Variants in CLYBL observed in about 807,000 individuals in gnomAD.
CLYBL encodes the protein citramalyl-CoA lyase, mitochondrial.
In CLYBL, 31 loss-of-function variants were observed where a neutral mutation model predicts 38.9. The observed-to-expected ratio is 0.80, with a 90% confidence interval of 0.60 to 1.08. The LOEUF (loss-of-function observed/expected upper bound fraction) is 1.08, where lower values mean the gene tolerates loss of function less well. Among genes scored for constraint, CLYBL ranks in the 50% least tolerant of loss-of-function variants. CLYBL has a pLI of 0.00. For missense variants in CLYBL, 434 were observed against 411.6 expected (o/e 1.05, Z -0.47); for synonymous variants, 171 against 158.6 (o/e 1.08, Z -0.59).
intron 1 of CLYBL, among the ~76,000 whole-genome samples, chr13:99,721,254 A>G (rs1444619140): frequency 2.6e-5 from 4 of 151,702 alleles, no homozygotes; most frequent in African/African-American, 9.7e-5. Flanking sequence ...CATGTTGGCT[A>G]GGCTGATCTC....
At chr13:99,613,220 G>A (rs1349150616) in intron 1 of CLYBL, among the ~76,000 whole-genome samples, 1 of 152,102 alleles carries the variant, frequency 6.6e-6, no homozygotes, top group Non-Finnish European at 1.5e-5. Context: ...CTCCCTGGCT[G>A]TATGTGTTCA....
At chr13:99,669,298 G>A (rs749212769) in intron 1 of CLYBL, among the ~76,000 whole-genome samples, 1 of 152,110 alleles carries the variant, frequency 6.6e-6, no homozygotes, top group Non-Finnish European at 1.5e-5. Flanking sequence ...TGCCGCGCCC[G>A]GCCAGGTCCT....
intron 1 of CLYBL, among the ~76,000 whole-genome samples, chr13:99,755,462 C>CGAG (rs2049045728): frequency 6.6e-6 from 1 of 152,106 alleles, no homozygotes; most frequent in African/African-American, 2.4e-5. Context: ...GCAGACAGGG[C>CGAG]AGCTCCTGCC....
intron 1 of CLYBL, among the ~76,000 whole-genome samples, chr13:99,625,924 G>C (rs368811738): frequency 6.6e-6 from 1 of 152,202 alleles, no homozygotes; most frequent in African/African-American, 2.4e-5. Flanking sequence ...CGCATCTCAC[G>C]TGAGATACGG....
intron 1 of CLYBL, among the ~76,000 whole-genome samples, chr13:99,740,346 T>C (rs1273526030): frequency 1.3e-5 from 2 of 152,234 alleles, no homozygotes; most frequent in Non-Finnish European, 2.9e-5. Flanking sequence ...TGACAAATGC[T>C]GTCCTGTACC....
chr13:99,692,039 G>A (rs1284027483), intron 1 of CLYBL, among the ~76,000 whole-genome samples: 1 of 152,164 alleles, frequency 6.6e-6, no homozygotes, highest in Non-Finnish European at 1.5e-5. Flanking sequence ...ATCCTTCATA[G>A]CCAGGATGGA....
intron 2 of CLYBL, among the ~76,000 whole-genome samples, chr13:99,813,261 A>C (rs528552039): frequency 4.0e-4 from 61 of 152,330 alleles, no homozygotes; most frequent in Non-Finnish European, 4.0e-4. Context: ...AGTGGAATGC[A>C]AACATGAGTA....
At chr13:99,892,990 C>T (rs2052522566), downstream of CLYBL, 1 of 152,330 alleles carries the variant, frequency 6.6e-6, no homozygotes, top group South Asian at 2.1e-4. Flanking sequence ...CAAGATGGCT[C>T]TGGGGATCCT....
At chr13:99,872,271 A>G (rs1424547827) in intron 7 of CLYBL, among the ~76,000 whole-genome samples, 2 of 152,192 alleles carry the variant, frequency 1.3e-5, no homozygotes, top group African/African-American at 4.8e-5. Context: ...GGAAATACCC[A>G]ATTTGGACTT....
At position 99,618,226 on chromosome 13, in the gene CLYBL, AT is replaced by A. The variant is rs200257421; in HGVS notation, c.62+11477del. On this transcript the variant is annotated intron_variant, in intron 1 of 8. Coordinates refer to ENST00000339105, the MANE Select transcript of CLYBL (RefSeq NM_206808.5). ...TTGAGTGTTTCTAAAGATTTAGTGG[AT>A]TTTTTTTCTTTATTTTGGTAAATTA... is the stretch of plus-strand genomic sequence containing the variant. 4.5e-3 allele frequency among the ~76,000 whole-genome samples: 680 copies of A among 151,832 alleles called. 4 individuals carry two copies. The highest frequency in any genetic ancestry group is 0.016 in the African/African-American group (642 of 41,382).
At chr13:99,816,040 G>A (rs887466713) in intron 2 of CLYBL, among the ~76,000 whole-genome samples, 2 of 151,986 alleles carry the variant, frequency 1.3e-5, no homozygotes, top group Non-Finnish European at 1.5e-5. Context: ...AATTATATTC[G>A]CAATGACTAA....
chr13:99,833,584 C>T (rs1285247745), intron 2 of CLYBL, among the ~76,000 whole-genome samples: 1 of 151,498 alleles, frequency 6.6e-6, no homozygotes, highest in Non-Finnish European at 1.5e-5. Context: ...CCTCCCCCAA[C>T]ACATACTCAA....
At chr13:99,727,168 A>AC (rs1192463540) in intron 1 of CLYBL, 2 of 152,022 alleles carry the variant, frequency 1.3e-5, no homozygotes, top group East Asian at 3.9e-4. Flanking sequence ...CAAAAAAAAA[A>AC]AAAAACTTTG....
At chr13:99,619,427 A>C (rs2046761814) in intron 1 of CLYBL, among the ~76,000 whole-genome samples, 1 of 152,244 alleles carries the variant, frequency 6.6e-6, no homozygotes, top group African/African-American at 2.4e-5. Flanking sequence ...AAATTAGCCC[A>C]GTGTGTAATA....
At position 99,663,038 on chromosome 13, in the gene CLYBL, G is replaced by A. The variant is rs774517331; in HGVS notation, c.62+56281G>A. Among the ~76,000 whole-genome samples the A allele has an allele frequency of 1.3e-4, 20 of 152,266 alleles. No homozygotes were observed. The Middle Eastern group carries it at 0.01, about 78-fold the overall frequency. ...AAATTACTCAAATGTAGCCAAATAC[G>A]GGGAATGAGATGCAGTTAATGAATT... On this transcript the variant is annotated intron_variant, in intron 1 of 8. Coordinates refer to ENST00000339105, the MANE Select transcript of CLYBL (RefSeq NM_206808.5).
At position 99,692,755 on chromosome 13, in the gene CLYBL, A is replaced by C. The variant is rs532336393; in HGVS notation, c.63-80069A>C. Among the ~76,000 whole-genome samples, 33 of 152,220 alleles carry C rather than the reference A, an allele frequency of 2.2e-4. 1 individual carries two copies. The South Asian group carries it at 5.2e-3, about 24-fold the overall frequency. On this transcript the variant is annotated intron_variant, in intron 1 of 8. Transcript: ENST00000339105. ...TATGCACCCCTCTTCCTTTCTCCTG[A>C]CAACCACTAATCTACTTTCTAAATC...
At chr13:99,751,886 G>A (rs1352970431) in intron 1 of CLYBL, among the ~76,000 whole-genome samples, 1 of 152,186 alleles carries the variant, frequency 6.6e-6, no homozygotes, top group African/African-American at 2.4e-5. Flanking sequence ...TAAAATGATA[G>A]CCTATAGATC....
At chr13:99,717,556 C>T (rs1480581263) in intron 1 of CLYBL, among the ~76,000 whole-genome samples, 1 of 151,776 alleles carries the variant, frequency 6.6e-6, no homozygotes, top group South Asian at 2.1e-4. Context: ...GCCTCCCAGG[C>T]TCCCCGGATC....
chr13:99,874,004 G>T (rs2051974653), intron 7 of CLYBL, among the ~76,000 whole-genome samples: 1 of 152,182 alleles, frequency 6.6e-6, no homozygotes, highest in Non-Finnish European at 1.5e-5. Context: ...TGTTTGGCAG[G>T]CAGCGATTCT....
Sources: gnomAD v4.1 joint callset for allele counts (sites outside exome capture counted in the v4.1 genomes callset) on GRCh38, gnomAD v4.1.1 for gene constraint, MANE v1.5 for transcripts, NCBI Gene and HGNC (gene_info 2026-07-23, HGNC 2026-07-21) for gene names.